ANKS1B: variants seen among roughly 807,000 people sequenced by gnomAD.
ANKS1B encodes the protein ankyrin repeat and sterile alpha motif domain-containing protein 1B.
ANKS1B carries 36 observed loss-of-function variants against 148.3 expected under a neutral mutation model. That is an observed-to-expected ratio of 0.24 (90% CI 0.19 to 0.32). The LOEUF (loss-of-function observed/expected upper bound fraction) is 0.32, where lower values mean the gene tolerates loss of function less well. ANKS1B is among the 10% of genes least tolerant of loss of function. The pLI is 1.00. For missense variants in ANKS1B, 1,157 were observed against 1,542.6 expected (o/e 0.75, Z 4.19); for synonymous variants, 542 against 560.8 (o/e 0.97, Z 0.47).
intron 1 of ANKS1B, among the ~76,000 whole-genome samples, chr12:99,964,783 GGA>G (rs1465385483): frequency 2.6e-5 from 4 of 152,156 alleles, no homozygotes; most frequent in Non-Finnish European, 4.4e-5. Flanking sequence ...ATGCAGACCA[GGA>G]GAGAGTCAGA....
intron 9 of ANKS1B, among the ~76,000 whole-genome samples, chr12:99,608,390 G>T (rs116943878): frequency 2.2e-4 from 33 of 152,112 alleles, no homozygotes; most frequent in Non-Finnish European, 3.5e-4. Flanking sequence ...CTTCTCTTAT[G>T]TGAGGGCACA....
chr12:98,852,382 T>G (rs1237976182), intron 17 of ANKS1B, among the ~76,000 whole-genome samples: 1 of 152,114 alleles, frequency 6.6e-6, no homozygotes, highest in Non-Finnish European at 1.5e-5. Context: ...AGGGAGGTTT[T>G]TTTAAGGATG....
chr12:98,846,025 CATATAT>C (rs61065461), intron 17 of ANKS1B, among the ~76,000 whole-genome samples: 2 of 149,868 alleles, frequency 1.3e-5, no homozygotes, highest in Admixed American at 1.3e-4. Flanking sequence ...CACATACACA[CATATAT>C]ATATATGTAT....
chr12:99,110,615 T>C (rs1398190661), intron 15 of ANKS1B, among the ~76,000 whole-genome samples: 1 of 152,202 alleles, frequency 6.6e-6, no homozygotes, highest in African/African-American at 2.4e-5. Flanking sequence ...ATTCACTGTG[T>C]TTTTATATAT....
At chr12:99,040,845 C>A (rs2099958496) in intron 17 of ANKS1B, among the ~76,000 whole-genome samples, 1 of 152,168 alleles carries the variant, frequency 6.6e-6, no homozygotes, top group South Asian at 2.1e-4. Context: ...ACAAAATAAT[C>A]TATGCCCTGA....
At chr12:99,349,386 A>G (rs1028122669) in intron 12 of ANKS1B, among the ~76,000 whole-genome samples, 4 of 152,026 alleles carry the variant, frequency 2.6e-5, no homozygotes, top group African/African-American at 9.7e-5. Context: ...CTATCCAATT[A>G]AAAGGCAGAG....
intron 9 of ANKS1B, among the ~76,000 whole-genome samples, chr12:99,542,781 C>T (rs2097138504): frequency 6.6e-6 from 1 of 151,980 alleles, no homozygotes; most frequent in African/African-American, 2.4e-5. Context: ...GGATATCTAT[C>T]CACATGCAAA....
chr12:99,052,705 G>A (rs1167240301), intron 17 of ANKS1B, among the ~76,000 whole-genome samples: 2 of 123,844 alleles, frequency 1.6e-5, no homozygotes, highest in Admixed American at 8.8e-5. Flanking sequence ...TCCGCAGTCC[G>A]ACCTGGGCGA....
chr12:99,257,648 G>A (rs116768690), intron 12 of ANKS1B, among the ~76,000 whole-genome samples: 2,060 of 151,976 alleles, frequency 0.014, 53 homozygotes, highest in African/African-American at 0.047. Flanking sequence ...GTCATTGAGC[G>A]CTAAATATGT....
intron 20 of ANKS1B, among the ~76,000 whole-genome samples, chr12:98,802,489 T>G (rs1464560386): frequency 6.6e-6 from 1 of 151,382 alleles, no homozygotes; most frequent in Non-Finnish European, 1.5e-5. Context: ...GGAGGAGAAC[T>G]AGCTCTCCAA....
intron 16 of ANKS1B, among the ~76,000 whole-genome samples, chr12:99,068,900 C>T (rs1431120342): frequency 2.0e-5 from 3 of 152,180 alleles, no homozygotes; most frequent in Non-Finnish European, 2.9e-5. Context: ...GCACCATCCA[C>T]CTGCCCAAAA....
At chr12:99,358,896 A>G (rs2092261238) in intron 12 of ANKS1B, among the ~76,000 whole-genome samples, 2 of 152,172 alleles carry the variant, frequency 1.3e-5, no homozygotes, top group Admixed American at 1.3e-4. Context: ...TCTACTACAG[A>G]TAGGCTATCC....
At chr12:99,710,705 A>T (rs1430074591) in intron 8 of ANKS1B, among the ~76,000 whole-genome samples, 1 of 152,116 alleles carries the variant, frequency 6.6e-6, no homozygotes, top group Non-Finnish European at 1.5e-5. Context: ...GAACAGCTGA[A>T]AATACAATGA....
rs562031272 is a variant in ANKS1B at position 99,257,239 on chromosome 12, G to A, written c.1757-10375C>T. 2.0e-3 allele frequency among the ~76,000 whole-genome samples: 304 copies of A among 150,210 alleles called. 1 individual carries two copies. Among genetic ancestry groups the A allele is most frequent in the African/African-American group, 6.5e-3 (264 of 40,614 alleles). On this transcript the variant is annotated intron_variant, in intron 12 of 26. Coordinates refer to ENST00000683438, the MANE Select transcript of ANKS1B (RefSeq NM_001352186.2). The stretch of plus-strand genomic sequence containing the variant: ...AGCCGGGGCAACACAGCGAGACTCC[G>A]TCTCAAAAAAAAAAAAATTATTTCA...
chr12:99,623,540 G>A (rs930376723), intron 9 of ANKS1B, among the ~76,000 whole-genome samples: 4 of 151,808 alleles, frequency 2.6e-5, no homozygotes, highest in Middle Eastern at 3.2e-3. Context: ...ACTGATAAAC[G>A]GCTGACAAAG....
intron 9 of ANKS1B, among the ~76,000 whole-genome samples, chr12:99,590,152 A>G (rs2097685768): frequency 6.6e-6 from 1 of 152,062 alleles, no homozygotes; most frequent in African/African-American, 2.4e-5. Flanking sequence ...ACATATAAAC[A>G]TATATAGATA....
chr12:99,049,392 C>T (rs1001046237), intron 17 of ANKS1B, among the ~76,000 whole-genome samples: 8 of 151,810 alleles, frequency 5.3e-5, no homozygotes, highest in African/African-American at 1.9e-4. Context: ...GCAATGAGAG[C>T]GGGGTAGACA....
At position 99,825,388 on chromosome 12, in the gene ANKS1B, T is replaced by C; in HGVS notation, c.136A>G (p.Ile46Val). Residue 46 changes from isoleucine to valine, a missense_variant and splice_region_variant, in exon 2 of 27, where the codon ATC becomes GTC. Ile to Val is a conservative substitution (Grantham distance 29). Transcript: ENST00000683438. ...GPLPLSNLLS[I>V]WRGPNVNCTD... The stretch of plus-strand genomic sequence containing the variant: ...CAGTTCACATTGGGGCCTCGCCAGA[T>C]GCTGCAAATAAAGCACAAGCGCAGA... 6.2e-7 allele frequency: 1 copy of C among 1,609,074 alleles called. No individual in the cohort carries two copies. The highest frequency in any genetic ancestry group is 1.3e-5 in the African/African-American group (1 of 75,002).
intron 17 of ANKS1B, among the ~76,000 whole-genome samples, chr12:98,967,751 TAAAAAAA>T (rs544792811): frequency 1.2e-5 from 1 of 81,360 alleles, no homozygotes; most frequent in Non-Finnish European, 2.9e-5. Flanking sequence ...CAGACAAATC[TAAAAAAA>T]AAAAAAAAAA....
Sources: gnomAD v4.1 joint callset for allele counts (sites outside exome capture counted in the v4.1 genomes callset) on GRCh38, gnomAD v4.1.1 for gene constraint, MANE v1.5 for transcripts, NCBI Gene and HGNC (gene_info 2026-07-23, HGNC 2026-07-21) for gene names.